Variants in RIPOR1 observed in about 807,000 individuals in gnomAD.
The protein encoded by RIPOR1 is RHO family interacting cell polarization regulator 1.
In RIPOR1, 58 loss-of-function variants were observed where a neutral mutation model predicts 116.5. That is an observed-to-expected ratio of 0.50 (90% CI 0.40 to 0.62). The LOEUF is 0.62. Ranked by LOEUF, RIPOR1 falls within the 20% of genes least tolerant of loss-of-function variation. The pLI is 0.00. For synonymous variants in RIPOR1, 605 were observed against 650.0 expected, an observed-to-expected ratio of 0.93 and a Z score of 1.05; for missense variants, 1,372 against 1,586.2, an observed-to-expected ratio of 0.86 and a Z score of 2.29.
At chr16:67,519,698 G>A (rs1232555574) in intron 1 of RIPOR1, among the ~76,000 whole-genome samples, 1 of 152,090 alleles carries the variant, frequency 6.6e-6, no homozygotes. Flanking sequence ...GGTGTCCGAA[G>A]GTCATCCTAA....
rs374901209 is a variant in RIPOR1 at position 67,545,906 on chromosome 16, A to T, written c.3388-43A>T. On this transcript the variant is annotated intron_variant, in intron 19 of 21. Transcript: ENST00000042381. The surrounding 1 kb of genome is among the most constrained non-coding windows in gnomAD (Gnocchi z 4.8). ...TTGAGGGCGAGGGCTGGGGTCCTGG[A>T]CTCCCACTGTCTGGCTAAGTCTGTC... 130 of 1,612,560 alleles carry T rather than the reference A, an allele frequency of 8.1e-5. No homozygotes were observed. The highest frequency in any genetic ancestry group is 7.1e-4 in the South Asian group (65 of 90,978).
rs1327085527 is a variant in RIPOR1 at position 67,530,579 on chromosome 16, C to T, written c.-24+1665C>T. On this transcript the variant is annotated intron_variant, in intron 1 of 21. Transcript: ENST00000042381. This position sits in a 1 kb window ranked among gnomAD's most constrained non-coding sequence, Gnocchi z 4.5. ...GGGGCGGGGCTAGACCCGGGGACTC[C>T]CAGAGAGGCAGCTGGCCTGGCACAG... Among the ~76,000 whole-genome samples the T allele has an allele frequency of 6.6e-6, 1 of 152,174 alleles. No individual in the cohort carries two copies. The highest frequency in any genetic ancestry group is 1.5e-5 in the Non-Finnish European group (1 of 68,018).
intron 4 of RIPOR1, chr16:67,539,336 T>C (rs1435001978): frequency 3.8e-6 from 2 of 523,262 alleles, no homozygotes; most frequent in African/African-American, 3.8e-5. Context: ...TCTGCTGCAG[T>C]GGTACTGAGC....
rs753009988 is a variant in RIPOR1 at position 67,545,559 on chromosome 16, A to G, written c.3190+25A>G. The G allele has an allele frequency of 3.7e-6, 6 of 1,612,858 alleles. No homozygotes were observed. Among genetic ancestry groups the G allele is most frequent in the Non-Finnish European group, 4.2e-6 (5 of 1,179,246 alleles). On this transcript the variant is annotated intron_variant, in intron 18 of 21. Transcript: ENST00000042381. The surrounding 1 kb of genome is among the most constrained non-coding windows in gnomAD (Gnocchi z 4.8). Reference sequence around the variant, plus strand: ...GGTGAGGCGGTGGCCCTGATCACATAGTGGCCTCTTGGGGTCTGAGGACAT... The same window carrying G: ...GGTGAGGCGGTGGCCCTGATCACATGGTGGCCTCTTGGGGTCTGAGGACAT...
At chr16:67,524,243 G>A (rs2050522358), upstream of RIPOR1, among the ~76,000 whole-genome samples, 1 of 152,202 alleles carries the variant, frequency 6.6e-6, no homozygotes, top group Admixed American at 6.5e-5. Flanking sequence ...ACTTGAATGT[G>A]GAGCAGCATC....
chr16:67,524,824 T>A (rs971069998), upstream of RIPOR1, among the ~76,000 whole-genome samples: 1 of 152,154 alleles, frequency 6.6e-6, no homozygotes, highest in African/African-American at 2.4e-5. Flanking sequence ...CAGGCCACCA[T>A]CCACTGGGCT....
chr16:67,537,522 C>T lies in RIPOR1; in HGVS notation c.-23-902C>T, dbSNP rs994575481. 7.6e-7 allele frequency: 1 copy of T among 1,313,992 alleles called. No individual in the cohort carries two copies. Among genetic ancestry groups the T allele is most frequent in the Non-Finnish European group, 9.7e-7 (1 of 1,030,004 alleles). 81.4% of individuals were successfully genotyped at this position (1,313,992 alleles called of 1,614,324 possible). On this transcript the variant is annotated intron_variant, in intron 1 of 21. Transcript: ENST00000042381. The surrounding 1 kb of genome is among the most constrained non-coding windows in gnomAD (Gnocchi z 4.6). ...GCCCAGCCGGGCGGCTCGAAGTGGC[C>T]AGGGCCGGAAGGTCCGCGGGGGGCG... is the stretch of plus-strand genomic sequence containing the variant.
chr16:67,521,158 C>A (rs567366450), intron 1 of RIPOR1, among the ~76,000 whole-genome samples: 1 of 152,210 alleles, frequency 6.6e-6, no homozygotes, highest in African/African-American at 2.4e-5. Flanking sequence ...TCTACAGTGA[C>A]TGTTCTTGAA....
chr16:67,537,637 C>T lies in RIPOR1; in HGVS notation c.-23-787C>T. ...GGGGCTGCGAAAGCTCAGGGACTGG[C>T]CCCAGGGGAAGCAGGCCGGGTTTGG... On this transcript the variant is annotated intron_variant, in intron 1 of 21. Coordinates refer to ENST00000042381, the MANE Select transcript of RIPOR1 (RefSeq NM_024519.4). The surrounding 1 kb of genome is among the most constrained non-coding windows in gnomAD (Gnocchi z 4.6). 3.0e-6 allele frequency: 4 copies of T among 1,324,506 alleles called. No homozygotes were observed. Among genetic ancestry groups the T allele is most frequent in the Non-Finnish European group, 3.9e-6 (4 of 1,019,448 alleles). 82.0% of individuals were successfully genotyped at this position (1,324,506 alleles called of 1,614,324 possible). A position where few individuals can be genotyped will look rare whatever the true frequency, so the allele number is the denominator to read the frequency against.
intron 1 of RIPOR1, among the ~76,000 whole-genome samples, chr16:67,536,224 G>A (rs774001010): frequency 5.9e-5 from 9 of 152,334 alleles, no homozygotes; most frequent in Admixed American, 1.3e-4. Context: ...GAGGCAGGCT[G>A]ATCACTTGAG....
At chr16:67,534,835 CTTTTTTTTTTT>C (rs553858194) in intron 1 of RIPOR1, among the ~76,000 whole-genome samples, 7 of 79,004 alleles carry the variant, frequency 8.9e-5, no homozygotes, top group East Asian at 7.5e-4. Context: ...TTCTTTTTTT[CTTTTTTTTTTT>C]TTTTTTTTTT....
At chr16:67,534,559 A>G (rs942234346) in intron 1 of RIPOR1, among the ~76,000 whole-genome samples, 1 of 152,236 alleles carries the variant, frequency 6.6e-6, no homozygotes, top group Admixed American at 6.5e-5. Flanking sequence ...AACCCAGAGC[A>G]GGAAATAGGA....
chr16:67,537,355 C>G lies in RIPOR1; in HGVS notation c.-23-1069C>G. 8.2e-7 allele frequency: 1 copy of G among 1,222,300 alleles called. No homozygotes were observed. The highest frequency in any genetic ancestry group is 1.0e-6 in the Non-Finnish European group (1 of 979,850). 75.7% of individuals were successfully genotyped at this position (1,222,300 alleles called of 1,614,324 possible). A position where few individuals can be genotyped will look rare whatever the true frequency, so the allele number is the denominator to read the frequency against. ...CCCCAGCTGAGCAGACCCCTCGCCC[C>G]CCGTCGGTCCCCTCCCCGAGGGGAA... is the stretch of plus-strand genomic sequence containing the variant. On this transcript the variant is annotated intron_variant, in intron 1 of 21. Transcript: ENST00000042381. This position sits in a 1 kb window ranked among gnomAD's most constrained non-coding sequence, Gnocchi z 4.6.
chr16:67,530,080 G>A lies in RIPOR1; in HGVS notation c.-24+1166G>A, dbSNP rs1420480994. 8.3e-6 allele frequency: 5 copies of A among 605,470 alleles called. No homozygotes were observed. Among genetic ancestry groups the A allele is most frequent in the Non-Finnish European group, 1.5e-5 (5 of 336,370 alleles). 37.5% of individuals were successfully genotyped at this position (605,470 alleles called of 1,614,324 possible). On this transcript the variant is annotated intron_variant, in intron 1 of 21. Transcript: ENST00000042381. This position sits in a 1 kb window ranked among gnomAD's most constrained non-coding sequence, Gnocchi z 4.5. ...GGTCCTGTGACTGCGGCGGGAGAGA[G>A]GAGCAAGGTGAGCCGCCCCAGGGGT...
chr16:67,519,279 CAAAAAAA>C (rs56349474), intron 1 of RIPOR1, among the ~76,000 whole-genome samples: 2 of 89,896 alleles, frequency 2.2e-5, no homozygotes, highest in African/African-American at 6.4e-5. Context: ...GACTCTGTTT[CAAAAAAA>C]AAAAAAAAAC....
intron 4 of RIPOR1, chr16:67,539,294 T>A (rs969892648): frequency 1.8e-6 from 1 of 550,910 alleles, no homozygotes; most frequent in Non-Finnish European, 3.2e-6. Context: ...GTGGGGTAGG[T>A]GGGACCCCTA....
At position 67,540,527 on chromosome 16, in the gene RIPOR1, G is replaced by A. The variant is rs1460045107; in HGVS notation, c.675+26G>A. ...GTATGAGAATGTGCAGGGAAGGGCTGGGTCGGTAGGGTCCCAACACCTAGG... is the reference window on the plus strand; with the variant it reads ...GTATGAGAATGTGCAGGGAAGGGCTAGGTCGGTAGGGTCCCAACACCTAGG... On this transcript the variant is annotated intron_variant, in intron 9 of 21. Coordinates refer to ENST00000042381, the MANE Select transcript of RIPOR1 (RefSeq NM_024519.4). The surrounding 1 kb of genome is among the most constrained non-coding windows in gnomAD (Gnocchi z 4.7). 4 of 1,614,002 alleles carry A rather than the reference G, an allele frequency of 2.5e-6. No individual in the cohort carries two copies. In the African/African-American group the frequency reaches 4.0e-5, roughly 16 times the overall value.
rs745527672 is a variant in RIPOR1, at chr16:67,538,621, G to T, written c.105-51G>T. 5.6e-6 allele frequency: 9 copies of T among 1,607,050 alleles called. 1 individual carries two copies. In the South Asian group the frequency reaches 7.7e-5, roughly 14 times the overall value. On this transcript the variant is annotated intron_variant, in intron 2 of 21. Transcript: ENST00000042381. ...GGCTGGGTCTGGGGGTGCGTAGTGA[G>T]AGTCTGGGGGACTCCTGCTCTCCTC...
Position 67,545,296 on chromosome 16 carries a change from G to A in RIPOR1, c.3032-80G>A, listed in dbSNP as rs1380801304. 4.5e-6 allele frequency: 7 copies of A among 1,559,996 alleles called. No individual in the cohort carries two copies. Among genetic ancestry groups the A allele is most frequent in the African/African-American group, 1.4e-5 (1 of 73,454 alleles). ...GTTTGAACAGGGGGCCCCTGGACCTGAGCCTGGGATAGGAGCATCTCTCCC... is the reference window on the plus strand; with the variant it reads ...GTTTGAACAGGGGGCCCCTGGACCTAAGCCTGGGATAGGAGCATCTCTCCC... On this transcript the variant is annotated intron_variant, in intron 17 of 21. Transcript: ENST00000042381. This position sits in a 1 kb window ranked among gnomAD's most constrained non-coding sequence, Gnocchi z 4.8.
Sources: allele counts gnomAD v4.1 joint callset (sites outside exome capture counted in the v4.1 genomes callset), GRCh38; gene constraint gnomAD v4.1.1; non-coding constraint Gnocchi (gnomAD v3.1); transcripts MANE v1.5; gene names NCBI Gene and HGNC (gene_info 2026-07-23, HGNC 2026-07-21).